Variants in LY86 observed in about 807,000 individuals in gnomAD.
The protein encoded by LY86 is lymphocyte antigen 86.
A neutral mutation model predicts 17.3 loss-of-function variants in LY86; 20 were observed. That is an observed-to-expected ratio of 1.15 (90% CI 0.81 to 1.68). The LOEUF (loss-of-function observed/expected upper bound fraction) is 1.68. LY86 is among the 40% of genes most tolerant of loss of function. LY86 has a pLI of 0.00. For missense variants in LY86, 200 were observed against 191.9 expected (o/e 1.04, Z -0.25); for synonymous variants, 74 against 70.6 (o/e 1.05, Z -0.24).
chr6:6,654,591 C>G lies in LY86; in HGVS notation c.453C>G (p.Thr151=), dbSNP rs758935777. Reference sequence around the variant, plus strand: ...AACTGTACACTGAAAAACGGTCCACCGTGGCCTGTGCCAATGCTACTATCA... The same window carrying G: ...AACTGTACACTGAAAAACGGTCCACGGTGGCCTGTGCCAATGCTACTATCA... ...LLELYTEKRS[T]VACANATIMC... The change falls in exon 5 of 5, where the codon ACC becomes ACG. Residue 151 remains threonine, a synonymous_variant. Coordinates refer to ENST00000230568, the MANE Select transcript of LY86 (RefSeq NM_004271.4). 2 of 1,614,172 alleles carry G rather than the reference C, an allele frequency of 1.2e-6. No homozygotes were observed. Among genetic ancestry groups the G allele is most frequent in the African/African-American group, 1.3e-5 (1 of 75,052 alleles).
At chr6:6,619,818 A>G (rs967106046) in intron 1 of LY86, among the ~76,000 whole-genome samples, 3 of 152,158 alleles carry the variant, frequency 2.0e-5, no homozygotes, top group Admixed American at 2.0e-4. Flanking sequence ...ATGAGAAGAA[A>G]AAGAGAAACA....
At chr6:6,599,327 G>A (rs559909852) in intron 1 of LY86, among the ~76,000 whole-genome samples, 1 of 152,320 alleles carries the variant, frequency 6.6e-6, no homozygotes, top group East Asian at 1.9e-4. Context: ...GCCTGGTATT[G>A]TTAATGCCAT....
intron 1 of LY86, among the ~76,000 whole-genome samples, chr6:6,608,081 G>A (rs1390456665): frequency 6.6e-6 from 1 of 152,168 alleles, no homozygotes; most frequent in Non-Finnish European, 1.5e-5. Context: ...GTGAAACATT[G>A]GAAACGTTCC....
intron 1 of LY86, among the ~76,000 whole-genome samples, chr6:6,602,440 A>G (rs1444111425): frequency 6.6e-6 from 1 of 152,264 alleles, no homozygotes; most frequent in Non-Finnish European, 1.5e-5. Flanking sequence ...ATGAAACCAC[A>G]TCGGAATTAG....
chr6:6,601,176 A>G (rs1561776818), intron 1 of LY86, among the ~76,000 whole-genome samples: 1 of 152,166 alleles, frequency 6.6e-6, no homozygotes, highest in Admixed American at 6.5e-5. Flanking sequence ...TTACGTAAAT[A>G]CTACCTGATC....
chr6:6,588,993 T>A, intron 1 of LY86, 123 bp downstream of exon 1: 1 of 1,294,426 alleles, frequency 7.7e-7, no homozygotes, highest in Non-Finnish European at 1.0e-6. Context: ...GAACACTTTC[T>A]CCACCTGCAG....
At position 6,602,614 on chromosome 6, in the gene LY86, G is replaced by A. The variant is rs73722110; in HGVS notation, c.136+13744G>A. ...CCAGGAGAGTGAAGAAGCGAGACAG[G>A]GAAGAAAAAGAAGCCAGCGCAGGCC... On this transcript the variant is annotated intron_variant, in intron 1 of 4. Coordinates refer to ENST00000230568, the MANE Select transcript of LY86 (RefSeq NM_004271.4). 2.9e-3 allele frequency among the ~76,000 whole-genome samples: 434 copies of A among 152,254 alleles called. 2 individuals carry two copies. Among genetic ancestry groups the A allele is most frequent in the African/African-American group, 9.8e-3 (405 of 41,538 alleles).
intron 1 of LY86, among the ~76,000 whole-genome samples, chr6:6,595,992 A>C (rs1374201682): frequency 6.6e-6 from 1 of 152,172 alleles, no homozygotes; most frequent in Non-Finnish European, 1.5e-5. Context: ...TGCAATCAGC[A>C]CCTGCTCTCC....
intron 3 of LY86, among the ~76,000 whole-genome samples, chr6:6,643,698 A>G (rs1379703277): frequency 6.6e-6 from 1 of 152,140 alleles, no homozygotes; most frequent in African/African-American, 2.4e-5. Context: ...GCATACACAC[A>G]AAAACGCACA....
chr6:6,607,817 T>C (rs1017872501), intron 1 of LY86, among the ~76,000 whole-genome samples: 4 of 151,938 alleles, frequency 2.6e-5, no homozygotes, highest in Non-Finnish European at 5.9e-5. Context: ...GGAGAATCGC[T>C]TGAACCCGGG....
chr6:6,613,376 G>A (rs937368542), intron 1 of LY86, among the ~76,000 whole-genome samples: 22 of 152,162 alleles, frequency 1.4e-4, no homozygotes, highest in Non-Finnish European at 3.1e-4. Context: ...TCACAGCGGG[G>A]GAGTGGGGAG....
intron 1 of LY86, among the ~76,000 whole-genome samples, chr6:6,599,456 G>A (rs1212473313): frequency 6.6e-6 from 1 of 152,236 alleles, no homozygotes; most frequent in Non-Finnish European, 1.5e-5. Context: ...CTAGGGATAA[G>A]AGGGAAGCAT....
chr6:6,596,312 G>A (rs1184651134), intron 1 of LY86, among the ~76,000 whole-genome samples: 1 of 152,108 alleles, frequency 6.6e-6, no homozygotes, highest in Non-Finnish European at 1.5e-5. Context: ...GCTGCCCCAG[G>A]AGAAAATGGA....
chr6:6,652,265 G>T (rs997098538), intron 4 of LY86, among the ~76,000 whole-genome samples: 1 of 152,006 alleles, frequency 6.6e-6, no homozygotes, highest in Non-Finnish European at 1.5e-5. Flanking sequence ...TCCCTACACC[G>T]GCTGCAGGTC....
chr6:6,649,972 C>T (rs552031544), intron 4 of LY86, among the ~76,000 whole-genome samples: 4 of 152,218 alleles, frequency 2.6e-5, no homozygotes, highest in South Asian at 4.2e-4. Flanking sequence ...AGAGGGATGC[C>T]GGCGTCTTGT....
At chr6:6,629,056 C>T (rs1181795606) in intron 3 of LY86, among the ~76,000 whole-genome samples, 2 of 152,186 alleles carry the variant, frequency 1.3e-5, no homozygotes, top group Admixed American at 1.3e-4. Flanking sequence ...GTATTCAATT[C>T]AGTTTAGCAG....
At chr6:6,630,730 C>T (rs905938117) in intron 3 of LY86, among the ~76,000 whole-genome samples, 2 of 152,168 alleles carry the variant, frequency 1.3e-5, no homozygotes, top group African/African-American at 4.8e-5. Flanking sequence ...GGGTCTCCAT[C>T]TTGGTCGCAC....
chr6:6,595,434 G>A (rs1760680304), intron 1 of LY86, among the ~76,000 whole-genome samples: 1 of 150,212 alleles, frequency 6.7e-6, no homozygotes, highest in African/African-American at 2.4e-5. Context: ...AGAAGGGGGA[G>A]GAGGGGGGAG....
chr6:6,612,000 A>G (rs4993027), intron 1 of LY86, among the ~76,000 whole-genome samples: 13,848 of 151,760 alleles, frequency 0.091, 676 homozygotes, highest in Middle Eastern at 0.14. Context: ...TGAGTACTGA[A>G]CACTATGAAA....
Sources: gnomAD v4.1 joint callset for allele counts (sites outside exome capture counted in the v4.1 genomes callset) on GRCh38, gnomAD v4.1.1 for gene constraint, MANE v1.5 for transcripts, NCBI Gene and HGNC (gene_info 2026-07-23, HGNC 2026-07-21) for gene names.